SLC35A5: variants seen among roughly 807,000 people sequenced by gnomAD.
The protein encoded by SLC35A5 is UDP-sugar transporter protein SLC35A5.
Under a neutral mutation model 36.3 loss-of-function variants are expected in SLC35A5, and 28 were observed. The ratio of observed to expected loss-of-function variants is 0.77; its 90% CI spans 0.57 to 1.06. The LOEUF is 1.06. Ranked by LOEUF, SLC35A5 falls within the 50% of genes least tolerant of loss-of-function variation. SLC35A5 has a pLI of 0.00. For synonymous variants in SLC35A5, 180 were observed against 173.7 expected, an observed-to-expected ratio of 1.04 and a Z score of -0.29; for missense variants, 521 against 499.3, an observed-to-expected ratio of 1.04 and a Z score of -0.41.
intron 5 of SLC35A5, among the ~76,000 whole-genome samples, chr3:112,579,846 C>A (rs6770274): frequency 3.9e-5 from 6 of 152,206 alleles, no homozygotes; most frequent in Non-Finnish European, 7.4e-5. Context: ...TATTAAACAT[C>A]TGTTGAATAG....
At chr3:112,566,834 T>C (rs1289105042) in intron 2 of SLC35A5, among the ~76,000 whole-genome samples, 1 of 152,164 alleles carries the variant, frequency 6.6e-6, no homozygotes, top group Non-Finnish European at 1.5e-5. Context: ...GAAGGTATGG[T>C]AGCTAGAGGA....
chr3:112,568,570 G>C (rs916767566), intron 2 of SLC35A5, among the ~76,000 whole-genome samples: 22 of 152,126 alleles, frequency 1.4e-4, no homozygotes, highest in Admixed American at 1.3e-4. Context: ...TTTCCTCTCG[G>C]CCCTAAAGGT....
chr3:112,576,201 C>A (rs1934666997), intron 5 of SLC35A5, among the ~76,000 whole-genome samples: 2 of 151,750 alleles, frequency 1.3e-5, no homozygotes, highest in Non-Finnish European at 2.9e-5. Context: ...AATCTCAGCT[C>A]ACTGCAACCT....
At position 112,573,910 on chromosome 3, in the gene SLC35A5, A is replaced by T. The variant is rs544083592; in HGVS notation, c.382A>T (p.Asn128Tyr). ...CTAGGCCATGGCTGTTATCTTCTCA[A>T]ATTTTAGCATTATAACAACAGCTCT... ...LQPAMAVIFS[N>Y]FSIITTALLF... is the part of the protein sequence containing the mutation. The change falls in exon 5 of 7, where the codon AAT (asparagine) becomes TAT (tyrosine). Residue 128 changes from asparagine to tyrosine, a missense_variant. Transcript: ENST00000492406. 3.1e-6 allele frequency: 5 copies of T among 1,613,504 alleles called. No homozygotes were observed. Among genetic ancestry groups the T allele is most frequent in the African/African-American group, 1.3e-5 (1 of 75,014 alleles).
rs1935078774 is a variant in SLC35A5 at position 112,584,693 on chromosome 3, T to C, written c.*1957T>C. On this transcript the variant is annotated 3_prime_UTR_variant, in exon 7 of 7. Transcript: ENST00000492406. ...CCCAGCAATCCCTCTACTGGGTACC[T>C]ACCCAAAGGAAAATAAATCGTTTTA... The C allele has an allele frequency of 6.6e-6, 1 of 152,156 alleles. No individual in the cohort carries two copies. Among genetic ancestry groups the C allele is most frequent in the African/African-American group, 2.4e-5 (1 of 41,448 alleles). The allele number at this position is 152,156 out of a possible 1,614,324, so 9.4% of individuals were successfully genotyped here.
At chr3:112,581,402 A>T in intron 6 of SLC35A5, 76 bp downstream of exon 6, 3 of 1,404,288 alleles carry the variant, frequency 2.1e-6, no homozygotes, top group Admixed American at 2.3e-5. Context: ...AAAAAAATAA[A>T]ATCAGTACTG....
At chr3:112,564,629 C>T (rs1212875721) in intron 2 of SLC35A5, among the ~76,000 whole-genome samples, 1 of 152,162 alleles carries the variant, frequency 6.6e-6, no homozygotes, top group Non-Finnish European at 1.5e-5. Context: ...AGACCCTTTA[C>T]AGGTGTCGGG....
chr3:112,575,409 C>T (rs907645168), intron 5 of SLC35A5, among the ~76,000 whole-genome samples: 3 of 152,036 alleles, frequency 2.0e-5, no homozygotes, highest in African/African-American at 7.2e-5. Flanking sequence ...TAGTCCTATC[C>T]TATAATAAGT....
chr3:112,579,512 T>C (rs1275100616), intron 5 of SLC35A5, among the ~76,000 whole-genome samples: 1 of 152,120 alleles, frequency 6.6e-6, no homozygotes, highest in Non-Finnish European at 1.5e-5. Context: ...GAGATATTCC[T>C]CTTTGTCAAC....
rs371185191 is a variant in SLC35A5 at position 112,573,976 on chromosome 3, A to G, written c.428+20A>G. The stretch of plus-strand genomic sequence containing the variant: ...GCTGAAGTAAGTAACTTGCTGTGAA[A>G]ACATATATCATACTTTAAAATAACA... On this transcript the variant is annotated intron_variant, in intron 5 of 6. Coordinates refer to ENST00000492406, the MANE Select transcript of SLC35A5 (RefSeq NM_017945.5). 4.9e-5 allele frequency: 77 copies of G among 1,585,820 alleles called. 1 individual carries two copies. The African/African-American group carries it at 9.9e-4, about 20-fold the overall frequency.
intron 1 of SLC35A5, 28 bp from the exon 2 acceptor site, chr3:112,563,357 C>A: frequency 7.1e-7 from 1 of 1,414,202 alleles, no homozygotes. Context: ...CCAACAAGGT[C>A]GTTCATGAAA....
At chr3:112,565,222 TATA>T (rs943972649) in intron 2 of SLC35A5, among the ~76,000 whole-genome samples, 18 of 152,208 alleles carry the variant, frequency 1.2e-4, no homozygotes, top group Admixed American at 2.6e-4. Context: ...GAAAATCCAT[TATA>T]ATAACTGCAA....
At chr3:112,569,514 C>T (rs1353443838) in intron 3 of SLC35A5, among the ~76,000 whole-genome samples, 2 of 152,218 alleles carry the variant, frequency 1.3e-5, no homozygotes, top group African/African-American at 4.8e-5. Flanking sequence ...TCCTATTACT[C>T]TATCTTGTTA....
chr3:112,563,393 A>G lies in SLC35A5; in HGVS notation c.-11A>G. The stretch of plus-strand genomic sequence containing the variant: ...GTGTTTTTCTCTTTAAGGTAATTAA[A>G]AAACAGTGGAATGGAAAAACAGTGC... On this transcript the variant is annotated 5_prime_UTR_variant, in exon 2 of 7. Transcript: ENST00000492406. 6.7e-7 allele frequency: 1 copy of G among 1,491,166 alleles called. No homozygotes were observed. Among genetic ancestry groups the G allele is most frequent in the Non-Finnish European group, 9.1e-7 (1 of 1,101,244 alleles). The allele number at this position is 1,491,166 out of a possible 1,614,324, so 92.4% of individuals were successfully genotyped here.
chr3:112,564,733 A>G (rs925999491), intron 2 of SLC35A5, among the ~76,000 whole-genome samples: 1 of 152,234 alleles, frequency 6.6e-6, no homozygotes, highest in Non-Finnish European at 1.5e-5. Context: ...TTTCCTAGGC[A>G]GAGGTCGCTG....
chr3:112,571,817 C>T (rs1025134377), intron 4 of SLC35A5, among the ~76,000 whole-genome samples: 2 of 151,886 alleles, frequency 1.3e-5, no homozygotes, highest in East Asian at 3.9e-4. Flanking sequence ...CTCCACCTGG[C>T]TTGGCCCTTG....
Position 112,581,311 on chromosome 3 carries a change from G to A in SLC35A5, c.1194G>A (p.Trp398Ter). The A allele has an allele frequency of 6.2e-7, 1 of 1,608,288 alleles. No homozygotes were observed. Among genetic ancestry groups the A allele is most frequent in the Admixed American group, 1.7e-5 (1 of 59,110 alleles). ...ERIRDLSGNLWERSSGDGEEL... is the reference protein window; with the variant it reads ...ERIRDLSGNL ...TCCGAGATCTAAGTGGCAATCTTTG[G>A]GAGCGTTCCAGTGGGGTAAGTTTGT... is the stretch of plus-strand genomic sequence containing the variant. Residue 398 changes from tryptophan (W) to a stop codon, truncating the protein, a stop_gained, in exon 6 of 7, where the codon TGG (tryptophan) becomes TGA (stop). Transcript: ENST00000492406. LOFTEE classifies it high-confidence loss of function.
At chr3:112,566,036 A>C (rs1032461769) in intron 2 of SLC35A5, among the ~76,000 whole-genome samples, 1 of 152,242 alleles carries the variant, frequency 6.6e-6, no homozygotes, top group Non-Finnish European at 1.5e-5. Context: ...TGCAAAGTAA[A>C]GCCATAGGTG....
chr3:112,567,009 G>A (rs1239981292), intron 2 of SLC35A5, among the ~76,000 whole-genome samples: 2 of 152,006 alleles, frequency 1.3e-5, no homozygotes, highest in African/African-American at 2.4e-5. Flanking sequence ...GGTGGATCAC[G>A]AGGTCAGGAG....
Sources: allele counts gnomAD v4.1 joint callset (sites outside exome capture counted in the v4.1 genomes callset), GRCh38; gene constraint gnomAD v4.1.1; transcripts MANE v1.5; gene names NCBI Gene and HGNC (gene_info 2026-07-23, HGNC 2026-07-21).